The following MAGI2 variants were observed in gnomAD, a reference collection of about 807,000 sequenced individuals.
The protein encoded by MAGI2 is membrane associated guanylate kinase, WW and PDZ domain containing 2.
MAGI2 carries 35 observed loss-of-function variants against 133.3 expected under a neutral mutation model. The observed-to-expected ratio is 0.26, with a 90% CI of 0.20 to 0.35. The LOEUF is 0.35. Among genes scored for constraint, MAGI2 ranks in the 10% least tolerant of loss-of-function variants. The pLI is 1.00. For missense variants in MAGI2, 1,636 were observed against 1,863.4 expected, an observed-to-expected ratio of 0.88 and a Z score of 2.25; for synonymous variants, 729 against 710.6, an observed-to-expected ratio of 1.03 and a Z score of -0.41.
At chr7:78,804,473 G>A (rs919139923) in intron 2 of MAGI2, among the ~76,000 whole-genome samples, 1 of 151,684 alleles carries the variant, frequency 6.6e-6, no homozygotes, top group African/African-American at 2.4e-5. Flanking sequence ...TTTGGGCCAG[G>A]CACGGTGGCT....
intron 9 of MAGI2, among the ~76,000 whole-genome samples, chr7:78,272,386 C>T (rs956076509): frequency 3.3e-5 from 5 of 152,172 alleles, no homozygotes; most frequent in African/African-American, 4.8e-5. Flanking sequence ...AGAATAAATG[C>T]GACGTGGTGC....
intron 4 of MAGI2, among the ~76,000 whole-genome samples, chr7:78,510,339 T>C (rs368933407): frequency 6.6e-6 from 1 of 152,174 alleles, no homozygotes; most frequent in East Asian, 1.9e-4. Context: ...TGAAGTTACC[T>C]ACCTATAAGG....
chr7:78,247,820 G>A (rs904127999), intron 10 of MAGI2, among the ~76,000 whole-genome samples: 1 of 152,128 alleles, frequency 6.6e-6, no homozygotes, highest in African/African-American at 2.4e-5. Flanking sequence ...GGAGTCCTGG[G>A]ATACCATTAA....
intron 3 of MAGI2, among the ~76,000 whole-genome samples, chr7:78,620,319 A>C (rs2150936990): frequency 6.6e-6 from 1 of 152,136 alleles, no homozygotes; most frequent in East Asian, 1.9e-4. Context: ...TCTGAGATTA[A>C]AAATTTCATC....
At chr7:78,700,549 A>G (rs752438714) in intron 2 of MAGI2, among the ~76,000 whole-genome samples, 1 of 152,126 alleles carries the variant, frequency 6.6e-6, no homozygotes, top group Admixed American at 6.6e-5. Context: ...TCCATCTGAC[A>G]GTGTTTAAAC....
chr7:78,252,639 T>C (rs1451215713), intron 10 of MAGI2: 1 of 150,842 alleles, frequency 6.6e-6, no homozygotes, highest in Non-Finnish European at 1.5e-5. Flanking sequence ...GAATGATCCA[T>C]ATAAGAAAAA....
intron 2 of MAGI2, among the ~76,000 whole-genome samples, chr7:78,926,213 A>G (rs1799680259): frequency 6.6e-6 from 1 of 151,894 alleles, no homozygotes; most frequent in Non-Finnish European, 1.5e-5. Context: ...CTGCTCTTTT[A>G]TGTTAGCCTT....
intron 1 of MAGI2, chr7:79,125,637 G>C: frequency 1.9e-6 from 1 of 522,308 alleles, no homozygotes. Context: ...GTGGAACTAT[G>C]ATAATTTTGG....
At chr7:78,591,019 T>C (rs1470855032) in intron 3 of MAGI2, among the ~76,000 whole-genome samples, 2 of 152,226 alleles carry the variant, frequency 1.3e-5, no homozygotes, top group Non-Finnish European at 2.9e-5. Flanking sequence ...TATTTATTAA[T>C]TTATTCCTTT....
At chr7:79,093,990 C>G (rs558971027) in intron 1 of MAGI2, among the ~76,000 whole-genome samples, 4 of 152,084 alleles carry the variant, frequency 2.6e-5, no homozygotes, top group Non-Finnish European at 5.9e-5. Flanking sequence ...GCTGGAGTTA[C>G]AGGTGTGAGC....
At chr7:78,876,798 C>A (rs1795458797) in intron 2 of MAGI2, among the ~76,000 whole-genome samples, 1 of 152,132 alleles carries the variant, frequency 6.6e-6, no homozygotes, top group Non-Finnish European at 1.5e-5. Context: ...TGCCTAAAGG[C>A]TATGGAATTT....
intron 4 of MAGI2, among the ~76,000 whole-genome samples, chr7:78,516,340 G>C (rs1796038677): frequency 6.6e-6 from 1 of 152,070 alleles, no homozygotes; most frequent in South Asian, 2.1e-4. Flanking sequence ...ATAGTTGCAT[G>C]ACCTGTTTTT....
chr7:78,767,361 T>C (rs1206494955), intron 2 of MAGI2, among the ~76,000 whole-genome samples: 1 of 151,446 alleles, frequency 6.6e-6, no homozygotes, highest in African/African-American at 2.4e-5. Flanking sequence ...TTTTTTTTTT[T>C]ACAATTAAAA....
At chr7:78,206,034 C>T (rs965480594) in intron 10 of MAGI2, among the ~76,000 whole-genome samples, 9 of 152,178 alleles carry the variant, frequency 5.9e-5, no homozygotes, top group Middle Eastern at 3.4e-3. Context: ...ACTTACTTTT[C>T]CTGACACATG....
At chr7:78,461,225 A>G (rs1288096555) in intron 6 of MAGI2, among the ~76,000 whole-genome samples, 2 of 152,196 alleles carry the variant, frequency 1.3e-5, no homozygotes. Context: ...TACCTGTGCT[A>G]GGTCAATAAA....
chr7:78,326,139 C>T (rs798306), intron 9 of MAGI2, among the ~76,000 whole-genome samples: 121,884 of 152,106 alleles, frequency 0.8, 49,392 homozygotes, highest in African/African-American at 0.92. Flanking sequence ...AAGGACCACA[C>T]TGCTTTCATC....
chr7:78,597,647 C>G (rs1331050889), intron 3 of MAGI2, among the ~76,000 whole-genome samples: 1 of 152,116 alleles, frequency 6.6e-6, no homozygotes, highest in African/African-American at 2.4e-5. Flanking sequence ...CATAAACTGC[C>G]CTTATCCTTC....
At position 79,316,929 on chromosome 7, in the gene MAGI2, G is replaced by C. The variant is rs181156564; in HGVS notation, c.301+136091C>G. On this transcript the variant is annotated intron_variant, in intron 1 of 21. Transcript: ENST00000354212. Reference sequence around the variant, plus strand: ...AGGTAGCTATTTAGTAGCAGAGCTGGATCCAGGAGCCCATGTTCTTTCTAC... The same window carrying C: ...AGGTAGCTATTTAGTAGCAGAGCTGCATCCAGGAGCCCATGTTCTTTCTAC... Among the ~76,000 whole-genome samples, 27 of 151,094 alleles carry C rather than the reference G, an allele frequency of 1.8e-4. No individual in the cohort carries two copies. The East Asian group carries it at 5.3e-3, about 29-fold the overall frequency.
intron 1 of MAGI2, among the ~76,000 whole-genome samples, chr7:79,203,368 A>T (rs1828773824): frequency 6.6e-6 from 1 of 152,036 alleles, no homozygotes; most frequent in African/African-American, 2.4e-5. Context: ...ACAATGTCAA[A>T]TTATTTTCCA....
Sources: allele counts gnomAD v4.1 joint callset (sites outside exome capture counted in the v4.1 genomes callset), GRCh38; gene constraint gnomAD v4.1.1; transcripts MANE v1.5; gene names NCBI Gene and HGNC (gene_info 2026-07-23, HGNC 2026-07-21).